PCDHGA2: variants seen among roughly 807,000 people sequenced by gnomAD.
PCDHGA2 encodes protocadherin gamma subfamily A, 2.
A neutral mutation model predicts 59.2 loss-of-function variants in PCDHGA2; 40 were observed. The observed-to-expected ratio is 0.68, with a 90% confidence interval of 0.52 to 0.88. The LOEUF (loss-of-function observed/expected upper bound fraction) is 0.88. PCDHGA2 is among the 40% of genes least tolerant of loss of function. PCDHGA2 has a pLI of 0.00. For synonymous variants in PCDHGA2, 560 were observed against 526.0 expected (o/e 1.06, Z -0.89); for missense variants, 1,226 against 1,204.0 (o/e 1.02, Z -0.27).
chr5:141,375,250 T>C (rs1771286937), intron 1 of PCDHGA2: 3 of 1,613,664 alleles, frequency 1.9e-6, no homozygotes, highest in Non-Finnish European at 2.5e-6. Context: ...TCCCGAGAAG[T>C]CTCCCATTTG....
intron 1 of PCDHGA2, 58 bp from the exon 2 acceptor site, chr5:141,494,749 G>A (rs573811540): frequency 2.9e-5 from 47 of 1,612,698 alleles, no homozygotes; most frequent in Non-Finnish European, 3.6e-5. Flanking sequence ...CTAGGGGCTC[G>A]GGTGACATTC....
chr5:141,364,176 C>G, intron 1 of PCDHGA2: 1 of 835,076 alleles, frequency 1.2e-6, no homozygotes, highest in Non-Finnish European at 1.7e-6. Flanking sequence ...CGACTCTGCT[C>G]CCTCCATACT....
rs1286991812 is a variant in PCDHGA2 at position 141,432,170 on chromosome 5, C to T, written c.2425-62637C>T. The T allele has an allele frequency of 1.2e-6, 2 of 1,614,072 alleles. No homozygotes were observed. The highest frequency in any genetic ancestry group is 1.7e-6 in the Non-Finnish European group (2 of 1,180,036). ...AGAGAACAATCCCAGAGGAGTTTCC[C>T]TCGTCTCTGTGACCGCCCACGACCC... On this transcript the variant is annotated intron_variant, in intron 1 of 3. Coordinates refer to ENST00000394576, the MANE Select transcript of PCDHGA2 (RefSeq NM_018915.4). This position sits in a 1 kb window ranked among gnomAD's most constrained non-coding sequence, Gnocchi z 6.0.
intron 3 of PCDHGA2, among the ~76,000 whole-genome samples, chr5:141,505,875 T>C (rs991981462): frequency 2.6e-4 from 40 of 152,140 alleles, no homozygotes; most frequent in African/African-American, 9.2e-4. Flanking sequence ...AAAGGGTTGT[T>C]GTAGAGATTA....
At chr5:141,392,654 A>G (rs2092571814) in intron 1 of PCDHGA2, 1 of 734,690 alleles carries the variant, frequency 1.4e-6, no homozygotes, top group Admixed American at 3.4e-5. Flanking sequence ...AGACCCGCAG[A>G]TGCCACAAAC....
intron 1 of PCDHGA2, chr5:141,395,553 TG>T: frequency 1.2e-5 from 1 of 84,110 alleles, no homozygotes; most frequent in Non-Finnish European, 2.1e-5. Context: ...TGTGTGTGTG[TG>T]TGTGTGTGTG....
intron 1 of PCDHGA2, among the ~76,000 whole-genome samples, chr5:141,473,785 A>G (rs1240342191): frequency 6.6e-6 from 1 of 152,226 alleles, no homozygotes; most frequent in Non-Finnish European, 1.5e-5. Context: ...TTAATTCAAG[A>G]GCAGTATGAT....
chr5:141,407,317 T>G (rs1268885358), intron 1 of PCDHGA2, among the ~76,000 whole-genome samples: 1 of 152,198 alleles, frequency 6.6e-6, no homozygotes, highest in Non-Finnish European at 1.5e-5. Flanking sequence ...TCATACTTAG[T>G]ATTTATAAAT....
rs574059424 is a variant in PCDHGA2 at position 141,426,522 on chromosome 5, G to A, written c.2425-68285G>A. On this transcript the variant is annotated intron_variant, in intron 1 of 3. Transcript: ENST00000394576. ...AGAAACAATACTTTACCGTGAACAC[G>A]GAGAATGGGAACATACTTGTGAGTG... is the stretch of plus-strand genomic sequence containing the variant. The A allele has an allele frequency of 4.4e-5, 15 of 341,518 alleles. No individual in the cohort carries two copies. In the East Asian group the frequency reaches 6.0e-4, roughly 14 times the overall value. 21.2% of individuals were successfully genotyped at this position (341,518 alleles called of 1,614,324 possible).
At chr5:141,382,914 G>A in intron 1 of PCDHGA2, 1 of 1,552,980 alleles carries the variant, frequency 6.4e-7, no homozygotes, top group Non-Finnish European at 8.7e-7. Flanking sequence ...CGGCTCAGCC[G>A]AGGGGCGGGG....
In PCDHGA2 at chr5:141,431,615, G is replaced by C. The variant is rs1231591874; in HGVS notation, c.2425-63192G>C. The C allele has an allele frequency of 1.2e-6, 2 of 1,614,118 alleles. No individual in the cohort carries two copies. Among genetic ancestry groups the C allele is most frequent in the Non-Finnish European group, 8.5e-7 (1 of 1,180,050 alleles). ...GAGGTATTCCTTCCGGTATGTGGACGACAAGGCGGCCCAAGTTTTCAAACT... is the reference window on the plus strand; with the variant it reads ...GAGGTATTCCTTCCGGTATGTGGACCACAAGGCGGCCCAAGTTTTCAAACT... On this transcript the variant is annotated intron_variant, in intron 1 of 3. Coordinates refer to ENST00000394576, the MANE Select transcript of PCDHGA2 (RefSeq NM_018915.4). This position sits in a 1 kb window ranked among gnomAD's most constrained non-coding sequence, Gnocchi z 4.8.
At chr5:141,414,274 G>A (rs762803658) in intron 1 of PCDHGA2, 23 of 1,613,368 alleles carry the variant, frequency 1.4e-5, no homozygotes, top group Non-Finnish European at 1.9e-5. Flanking sequence ...TTCACCTCTG[G>A]GAACAGTCGT....
At chr5:141,371,461 T>C (rs1314971655) in intron 1 of PCDHGA2, 4 of 1,613,960 alleles carry the variant, frequency 2.5e-6, no homozygotes, top group Middle Eastern at 1.6e-4. Flanking sequence ...TCCCAACATA[T>C]ACAAGAAGAT....
intron 1 of PCDHGA2, chr5:141,413,669 A>C: frequency 6.2e-7 from 1 of 1,613,844 alleles, no homozygotes; most frequent in South Asian, 1.1e-5. Flanking sequence ...ATTGATCCGG[A>C]TGTGGGCGTG....
At chr5:141,394,250 C>T (rs749533197) in intron 1 of PCDHGA2, 15 of 1,613,784 alleles carry the variant, frequency 9.3e-6, no homozygotes, top group Non-Finnish European at 1.0e-5. Flanking sequence ...CACACGACCC[C>T]GACAGCCAGG....
chr5:141,364,653 T>C, intron 1 of PCDHGA2: 1 of 1,614,052 alleles, frequency 6.2e-7, no homozygotes, highest in Non-Finnish European at 8.5e-7. Context: ...AACTTTAACA[T>C]CTTGGTTGAG....
At chr5:141,357,338 C>T (rs749392491) in intron 1 of PCDHGA2, 1 of 1,614,128 alleles carries the variant, frequency 6.2e-7, no homozygotes, top group Non-Finnish European at 8.5e-7. Context: ...GTGCTGCTAG[C>T]ACTCAAGCTG....
chr5:141,431,053 G>A lies in PCDHGA2; in HGVS notation c.2425-63754G>A, dbSNP rs1208370015. On this transcript the variant is annotated intron_variant, in intron 1 of 3. Coordinates refer to ENST00000394576, the MANE Select transcript of PCDHGA2 (RefSeq NM_018915.4). This position sits in a 1 kb window ranked among gnomAD's most constrained non-coding sequence, Gnocchi z 4.8. ...TAGACCGGGAGGAGCTCTGTATGGG[G>A]GCCATCAAGTGTCAATTAAATCTAG... 1 of 1,614,174 alleles carries A rather than the reference G, an allele frequency of 6.2e-7. No homozygotes were observed. Among genetic ancestry groups the A allele is most frequent in the Admixed American group, 1.7e-5 (1 of 60,030 alleles).
rs553276457 is a variant in PCDHGA2 at position 141,480,179 on chromosome 5, G to A, written c.2425-14628G>A. Among the ~76,000 whole-genome samples, 10 of 152,058 alleles carry A rather than the reference G, an allele frequency of 6.6e-5. No individual in the cohort carries two copies. In the South Asian group the frequency reaches 8.3e-4, roughly 13 times the overall value. On this transcript the variant is annotated intron_variant, in intron 1 of 3. Transcript: ENST00000394576. ...AGCATTTTGGGAGGCTGAGGCAGGC[G>A]GATTGCTTGAGGCCAGCAGTTCAAG... is the stretch of plus-strand genomic sequence containing the variant.
Sources: gnomAD v4.1 joint callset for allele counts (sites outside exome capture counted in the v4.1 genomes callset) on GRCh38, gnomAD v4.1.1 for gene constraint, Gnocchi (gnomAD v3.1) non-coding constraint, MANE v1.5 for transcripts, NCBI Gene and HGNC (gene_info 2026-07-23, HGNC 2026-07-21) for gene names.